SMAP1: variants seen among roughly 807,000 people sequenced by gnomAD.
SMAP1 encodes small ArfGAP 1.
Under a neutral mutation model 58.5 loss-of-function variants are expected in SMAP1, and 24 were observed. The ratio of observed to expected loss-of-function variants is 0.41; its 90% CI spans 0.30 to 0.58. SMAP1 has a LOEUF of 0.58. Ranked by LOEUF, SMAP1 falls within the 20% of genes least tolerant of loss-of-function variation. SMAP1 has a pLI of 0.29. For synonymous variants in SMAP1, 216 were observed against 196.6 expected (o/e 1.10, Z -0.82); for missense variants, 563 against 566.3 (o/e 0.99, Z 0.06).
intron 3 of SMAP1, among the ~76,000 whole-genome samples, chr6:70,764,514 G>T (rs186933198): frequency 6.6e-6 from 1 of 152,106 alleles, no homozygotes; most frequent in African/African-American, 2.4e-5. Flanking sequence ...AAAATCCTAC[G>T]GCCCTTAAGA....
intron 1 of SMAP1, among the ~76,000 whole-genome samples, chr6:70,706,705 G>A (rs1235225392): frequency 6.6e-6 from 1 of 152,056 alleles, no homozygotes; most frequent in Non-Finnish European, 1.5e-5. Flanking sequence ...AACTTTCGTT[G>A]TACCACCAGA....
intron 2 of SMAP1, among the ~76,000 whole-genome samples, chr6:70,746,957 G>T (rs1235386889): frequency 6.6e-6 from 1 of 152,178 alleles, no homozygotes; most frequent in Non-Finnish European, 1.5e-5. Flanking sequence ...TAGAGTACAG[G>T]AAGTTGTTAG....
At chr6:70,857,250 TTCA>T (rs1771465736) in intron 9 of SMAP1, 2 of 377,880 alleles carry the variant, frequency 5.3e-6, no homozygotes, top group Non-Finnish European at 9.4e-6. Flanking sequence ...TAACAAGCTG[TTCA>T]TAGATCACTA....
chr6:70,752,113 G>C (rs752266922), intron 2 of SMAP1, among the ~76,000 whole-genome samples: 1 of 152,156 alleles, frequency 6.6e-6, no homozygotes, highest in African/African-American at 2.4e-5. Context: ...ATTTTGACTA[G>C]CTGCTGCATG....
intron 1 of SMAP1, among the ~76,000 whole-genome samples, chr6:70,707,535 T>G (rs1478375373): frequency 3.3e-5 from 5 of 152,190 alleles, no homozygotes. Context: ...ATTTTGGCAT[T>G]TAAAAAAGCT....
At chr6:70,804,961 A>G (rs1769052286) in intron 6 of SMAP1, among the ~76,000 whole-genome samples, 1 of 151,750 alleles carries the variant, frequency 6.6e-6, no homozygotes, top group African/African-American at 2.4e-5. Flanking sequence ...GCCTTGGTGA[A>G]TATGACAATT....
At chr6:70,783,532 G>A (rs984795346) in intron 4 of SMAP1, among the ~76,000 whole-genome samples, 1 of 152,048 alleles carries the variant, frequency 6.6e-6, no homozygotes, top group African/African-American at 2.4e-5. Context: ...CAAACAAATG[G>A]CAAAGAAGTT....
chr6:70,686,873 C>A (rs1281098980), intron 1 of SMAP1, among the ~76,000 whole-genome samples: 1 of 152,174 alleles, frequency 6.6e-6, no homozygotes, highest in African/African-American at 2.4e-5. Flanking sequence ...AAGGAACATT[C>A]TCTTTGGGAC....
chr6:70,714,972 G>C (rs1377043231), intron 1 of SMAP1, among the ~76,000 whole-genome samples: 1 of 151,874 alleles, frequency 6.6e-6, no homozygotes, highest in Non-Finnish European at 1.5e-5. Context: ...AATCTAATAA[G>C]AAATAGAGAG....
chr6:70,856,638 G>C, intron 8 of SMAP1: 1 of 376,342 alleles, frequency 2.7e-6, no homozygotes, highest in Non-Finnish European at 4.7e-6. Context: ...AAATGCTTCA[G>C]TCTACCTACA....
At chr6:70,734,819 T>G (rs1224798766) in intron 2 of SMAP1, 1 of 153,444 alleles carries the variant, frequency 6.5e-6, no homozygotes, top group African/African-American at 2.4e-5. Flanking sequence ...AGACCTGTGC[T>G]TGGACAGTTT....
intron 4 of SMAP1, among the ~76,000 whole-genome samples, chr6:70,789,483 T>TA (rs1768242653): frequency 6.6e-6 from 1 of 152,132 alleles, no homozygotes; most frequent in Non-Finnish European, 1.5e-5. Context: ...TCTGATTTGT[T>TA]ATGAATTCAC....
chr6:70,669,352 CTG>C (rs1766169682), intron 1 of SMAP1, among the ~76,000 whole-genome samples: 2 of 152,288 alleles, frequency 1.3e-5, no homozygotes, highest in Non-Finnish European at 2.9e-5. Flanking sequence ...TTTGACTAGA[CTG>C]AGCCACACAG....
intron 1 of SMAP1, among the ~76,000 whole-genome samples, chr6:70,684,199 C>G (rs993920980): frequency 6.6e-6 from 1 of 152,172 alleles, no homozygotes; most frequent in African/African-American, 2.4e-5. Context: ...TTGTCATCTG[C>G]AGTGTTAACT....
chr6:70,813,622 T>A (rs1769484451), intron 6 of SMAP1, among the ~76,000 whole-genome samples: 1 of 152,028 alleles, frequency 6.6e-6, no homozygotes, highest in Admixed American at 6.6e-5. Flanking sequence ...CCCACCACAA[T>A]AAAACTAGTG....
At chr6:70,680,344 A>G (rs920435958) in intron 1 of SMAP1, among the ~76,000 whole-genome samples, 5 of 152,250 alleles carry the variant, frequency 3.3e-5, no homozygotes, top group Admixed American at 2.0e-4. Context: ...AATGAACTTC[A>G]TTAAAATTAA....
Position 70,767,919 on chromosome 6 carries a change from C to T in SMAP1, c.339-5431C>T, listed in dbSNP as rs1232548714. On this transcript the variant is annotated intron_variant, in intron 3 of 10. Transcript: ENST00000370455. ...AGATAGCTGTTATTATTTTGAGATA[C>T]GTCCCACCAATACCTAATTTATTGA... Among the ~76,000 whole-genome samples the T allele has an allele frequency of 4.8e-5, 7 of 145,308 alleles. No homozygotes were observed. In the East Asian group the frequency reaches 5.9e-4, roughly 12 times the overall value.
At chr6:70,668,655 G>T in intron 1 of SMAP1, 1 of 1,535,974 alleles carries the variant, frequency 6.5e-7, no homozygotes, top group African/African-American at 1.4e-5. Context: ...CTGCCCACCT[G>T]ACAGCTTTTG....
At chr6:70,735,135 AAG>A (rs1383969096) in intron 2 of SMAP1, among the ~76,000 whole-genome samples, 4 of 152,218 alleles carry the variant, frequency 2.6e-5, no homozygotes, top group African/African-American at 9.6e-5. Context: ...AAACCAAAAA[AAG>A]AAAAAACTTG....
Sources: allele counts gnomAD v4.1 joint callset (sites outside exome capture counted in the v4.1 genomes callset), GRCh38; gene constraint gnomAD v4.1.1; transcripts MANE v1.5; gene names NCBI Gene and HGNC (gene_info 2026-07-23, HGNC 2026-07-21).